The following RPH3A variants were observed in gnomAD, a reference collection of about 807,000 sequenced individuals.
The protein encoded by RPH3A is rabphilin-3A.
Under a neutral mutation model 102.2 loss-of-function variants are expected in RPH3A, and 48 were observed. The ratio of observed to expected loss-of-function variants is 0.47; its 90% CI spans 0.37 to 0.60. The LOEUF (loss-of-function observed/expected upper bound fraction) is 0.60. Ranked by LOEUF, RPH3A falls within the 20% of genes least tolerant of loss-of-function variation. RPH3A has a pLI of 0.00. For synonymous variants in RPH3A, 310 were observed against 324.3 expected (o/e 0.96, Z 0.47); for missense variants, 781 against 910.1 (o/e 0.86, Z 1.83).
At chr12:112,841,970 A>G (rs1446188955) in intron 4 of RPH3A, 4 of 455,896 alleles carry the variant, frequency 8.8e-6, no homozygotes, top group Admixed American at 2.4e-5. Flanking sequence ...GTTTGTGCAG[A>G]TAGGCAAGGA....
chr12:112,662,309 C>T (rs2040053972), intron 1 of RPH3A, among the ~76,000 whole-genome samples: 1 of 152,288 alleles, frequency 6.6e-6, no homozygotes, highest in African/African-American at 2.4e-5. Flanking sequence ...TCCAAAGAAA[C>T]ACAATGCTGG....
At chr12:112,754,916 G>A (rs754401566) in intron 1 of RPH3A, among the ~76,000 whole-genome samples, 4 of 152,180 alleles carry the variant, frequency 2.6e-5, no homozygotes, top group Non-Finnish European at 5.9e-5. Context: ...CTCTGGGAGT[G>A]GAGCTGACAT....
upstream of RPH3A, among the ~76,000 whole-genome samples, chr12:112,789,248 C>T (rs1263443121): frequency 6.6e-6 from 1 of 152,194 alleles, no homozygotes; most frequent in African/African-American, 2.4e-5. Context: ...ATCTGAAAGG[C>T]TTGCATTCTA....
intron 1 of RPH3A, among the ~76,000 whole-genome samples, chr12:112,638,599 G>GT (rs1363400361): frequency 2.6e-5 from 4 of 152,322 alleles, no homozygotes; most frequent in African/African-American, 4.8e-5. Flanking sequence ...CAACAGGGTG[G>GT]TTTTCTGCAG....
intron 1 of RPH3A, among the ~76,000 whole-genome samples, chr12:112,648,774 T>C (rs2135995961): frequency 6.7e-6 from 1 of 149,404 alleles, no homozygotes; most frequent in South Asian, 2.1e-4. Flanking sequence ...AAATGGAAAT[T>C]ACTGATTTAA....
chr12:112,839,619 T>G (rs2042109670), intron 4 of RPH3A, among the ~76,000 whole-genome samples: 1 of 152,238 alleles, frequency 6.6e-6, no homozygotes, highest in African/African-American at 2.4e-5. Flanking sequence ...GCCTCTGGAC[T>G]AGTGCAACAT....
At chr12:112,870,344 T>C (rs189585498) in intron 10 of RPH3A, among the ~76,000 whole-genome samples, 1 of 142,042 alleles carries the variant, frequency 7.0e-6, no homozygotes, top group Admixed American at 7.2e-5. Context: ...GGGGGAAAAA[T>C]GCCCCTAGGC....
At chr12:112,690,207 C>T (rs991261728) in intron 1 of RPH3A, among the ~76,000 whole-genome samples, 1 of 152,182 alleles carries the variant, frequency 6.6e-6, no homozygotes, top group Non-Finnish European at 1.5e-5. Flanking sequence ...AATCTTACTT[C>T]CAAGAAGAAA....
chr12:112,710,150 G>A (rs1336275902), intron 1 of RPH3A, among the ~76,000 whole-genome samples: 4 of 152,058 alleles, frequency 2.6e-5, no homozygotes, highest in East Asian at 1.9e-4. Flanking sequence ...AATTTTATTT[G>A]TATGTTTAGT....
At chr12:112,673,921 A>G (rs2136011149) in intron 1 of RPH3A, among the ~76,000 whole-genome samples, 1 of 152,250 alleles carries the variant, frequency 6.6e-6, no homozygotes, top group East Asian at 1.9e-4. Flanking sequence ...GTTCCCACAA[A>G]TAAGTGAGAA....
At chr12:112,880,646 C>T (rs2042892901) in intron 14 of RPH3A, among the ~76,000 whole-genome samples, 2 of 152,092 alleles carry the variant, frequency 1.3e-5, no homozygotes, top group Admixed American at 1.3e-4. Flanking sequence ...GACCCTTGAA[C>T]AATGTGGGAG....
At chr12:112,764,009 T>G (rs1217369368) in intron 1 of RPH3A, among the ~76,000 whole-genome samples, 1 of 152,122 alleles carries the variant, frequency 6.6e-6, no homozygotes, top group Admixed American at 6.5e-5. Flanking sequence ...ATCTTCTGCC[T>G]AAGGGCAGCC....
chr12:112,868,820 T>TGG, intron 8 of RPH3A: 1 of 461,784 alleles, frequency 2.2e-6, no homozygotes, highest in Non-Finnish European at 3.8e-6. Context: ...CCCAGAGGCT[T>TGG]CATTGTCATC....
chr12:112,699,740 C>T (rs1038189046), intron 1 of RPH3A, among the ~76,000 whole-genome samples: 1 of 152,066 alleles, frequency 6.6e-6, no homozygotes, highest in South Asian at 2.1e-4. Context: ...AAAATCTGTT[C>T]GTTTTATTGT....
At chr12:112,724,717 C>G (rs751035231) in intron 1 of RPH3A, among the ~76,000 whole-genome samples, 9 of 152,326 alleles carry the variant, frequency 5.9e-5, no homozygotes, top group Non-Finnish European at 1.0e-4. Context: ...GCCTGTAATC[C>G]TAGCACTTTG....
At chr12:112,763,476 T>C (rs1254322420) in intron 1 of RPH3A, among the ~76,000 whole-genome samples, 2 of 152,286 alleles carry the variant, frequency 1.3e-5, no homozygotes, top group Non-Finnish European at 1.5e-5. Context: ...GTGGGACAAT[T>C]TGAAGTGAGG....
chr12:112,765,202 A>T (rs768266563), intron 1 of RPH3A, among the ~76,000 whole-genome samples: 4 of 150,808 alleles, frequency 2.7e-5, no homozygotes, highest in Non-Finnish European at 5.9e-5. Flanking sequence ...GATATTGATC[A>T]TGGGAGTGGT....
intron 1 of RPH3A, among the ~76,000 whole-genome samples, chr12:112,681,506 T>G (rs1226997654): frequency 1.3e-5 from 2 of 152,238 alleles, no homozygotes; most frequent in African/African-American, 4.8e-5. Context: ...AATATGAGAC[T>G]GGCTGTGTTT....
At position 112,775,261 on chromosome 12, in the gene RPH3A, T is replaced by C. The variant is rs114003481; in HGVS notation, c.-139-16882T>C. On this transcript the variant is annotated intron_variant, in intron 1 of 21. Transcript: ENST00000543106. ...AAAGTTTGGAAAAAACCACAGGCTA[T>C]TGAATAAAACAAATATGAATACCAA... Among the ~76,000 whole-genome samples, 319 of 152,198 alleles carry C rather than the reference T, an allele frequency of 2.1e-3. 2 individuals carry two copies. Among genetic ancestry groups the C allele is most frequent in the African/African-American group, 7.3e-3 (305 of 41,538 alleles).
Sources: gnomAD v4.1 joint callset for allele counts (sites outside exome capture counted in the v4.1 genomes callset) on GRCh38, gnomAD v4.1.1 for gene constraint, MANE v1.5 for transcripts, NCBI Gene and HGNC (gene_info 2026-07-23, HGNC 2026-07-21) for gene names.